The following VAC14 variants were observed in gnomAD, a reference collection of about 807,000 sequenced individuals.
VAC14 encodes protein VAC14 homolog.
VAC14 carries 47 observed loss-of-function variants against 85.3 expected under a neutral mutation model. That is an observed-to-expected ratio of 0.55 (90% CI 0.44 to 0.70). The LOEUF (loss-of-function observed/expected upper bound fraction) is 0.70, where lower values mean the gene tolerates loss of function less well. Among genes scored for constraint, VAC14 ranks in the 30% least tolerant of loss-of-function variants. The pLI, the probability that VAC14 is intolerant of heterozygous loss-of-function variation, is 0.00. For synonymous variants in VAC14, 447 were observed against 430.5 expected (o/e 1.04, Z -0.47); for missense variants, 861 against 1,004.3 (o/e 0.86, Z 1.93).
chr16:70,788,267 G>A (rs1164957099), intron 1 of VAC14, among the ~76,000 whole-genome samples: 1 of 152,206 alleles, frequency 6.6e-6, no homozygotes, highest in Non-Finnish European at 1.5e-5. Context: ...AAGAGGGACC[G>A]GGCAGTGGTT....
At chr16:70,722,990 T>C (rs1229827371) in intron 14 of VAC14, among the ~76,000 whole-genome samples, 1 of 151,932 alleles carries the variant, frequency 6.6e-6, no homozygotes, top group African/African-American at 2.4e-5. Context: ...CTGGGGTGGG[T>C]GGATCACCTG....
intron 10 of VAC14, among the ~76,000 whole-genome samples, chr16:70,764,512 C>T (rs1223399010): frequency 6.6e-6 from 1 of 152,194 alleles, no homozygotes; most frequent in Admixed American, 6.5e-5. Flanking sequence ...TAATCAGTTT[C>T]TCTCAAGTCC....
chr16:70,712,915 C>T (rs2054066395), intron 14 of VAC14, among the ~76,000 whole-genome samples: 1 of 152,154 alleles, frequency 6.6e-6, no homozygotes, highest in Non-Finnish European at 1.5e-5. Context: ...TGCTACCTCC[C>T]CAGGGCATGG....
intron 10 of VAC14, among the ~76,000 whole-genome samples, chr16:70,767,152 T>A (rs569611755): frequency 8.0e-4 from 122 of 152,370 alleles, no homozygotes; most frequent in Non-Finnish European, 1.3e-3. Context: ...GTCTTACACA[T>A]ACGCGTACTA....
At chr16:70,748,715 G>A (rs999310410) in intron 12 of VAC14, among the ~76,000 whole-genome samples, 2 of 152,164 alleles carry the variant, frequency 1.3e-5, no homozygotes, top group African/African-American at 2.4e-5. Context: ...GGGAGACCGA[G>A]GCAGGCAGAT....
At chr16:70,787,510 T>C (rs2034121259) in intron 1 of VAC14, among the ~76,000 whole-genome samples, 1 of 151,920 alleles carries the variant, frequency 6.6e-6, no homozygotes, top group Non-Finnish European at 1.5e-5. Context: ...GTGGAGGAGC[T>C]GAGGGAGGCC....
intron 13 of VAC14, among the ~76,000 whole-genome samples, chr16:70,737,376 A>T (rs3785422): frequency 6.6e-6 from 1 of 152,028 alleles, no homozygotes; most frequent in Admixed American, 6.5e-5. Flanking sequence ...CTGCTGCAGC[A>T]GGGGGCGAGG....
intron 7 of VAC14, 86 bp from the exon 8 acceptor site, chr16:70,782,089 T>C: frequency 6.6e-7 from 1 of 1,522,414 alleles, no homozygotes; most frequent in African/African-American, 1.4e-5. Context: ...GGGATGGGGC[T>C]GGCGGCCTGT....
chr16:70,764,547 A>G (rs574427896), intron 10 of VAC14, among the ~76,000 whole-genome samples: 1 of 152,356 alleles, frequency 6.6e-6, no homozygotes, highest in African/African-American at 2.4e-5. Flanking sequence ...ATACAACGCA[A>G]GTCACAGATA....
intron 15 of VAC14, among the ~76,000 whole-genome samples, chr16:70,697,726 T>C (rs983951423): frequency 2.0e-5 from 3 of 152,142 alleles, no homozygotes; most frequent in African/African-American, 7.2e-5. Context: ...CAGCCCACAC[T>C]TGGGGGAGCC....
intron 14 of VAC14, among the ~76,000 whole-genome samples, chr16:70,722,578 C>G (rs1337855685): frequency 3.3e-5 from 5 of 152,172 alleles, no homozygotes; most frequent in African/African-American, 1.2e-4. Context: ...GGGAAACACG[C>G]TGAAAGGACA....
chr16:70,700,073 A>T (rs1317346020), intron 14 of VAC14: 2 of 152,166 alleles, frequency 1.3e-5, no homozygotes, highest in African/African-American at 2.4e-5. Context: ...CGCTGGACTC[A>T]GCCTCCGCTC....
intron 10 of VAC14, among the ~76,000 whole-genome samples, chr16:70,766,095 T>C (rs1304896647): frequency 6.7e-6 from 1 of 148,794 alleles, no homozygotes; most frequent in Non-Finnish European, 1.5e-5. Context: ...TCACCTATGG[T>C]GAGCTATGAC....
chr16:70,696,954 C>G, intron 16 of VAC14, 185 bp downstream of exon 16: 1 of 556,926 alleles, frequency 1.8e-6, no homozygotes, highest in Non-Finnish European at 3.3e-6. Context: ...GCCAATCTCG[C>G]TCTCCCAAAT....
At chr16:70,727,774 T>C (rs892791782) in intron 14 of VAC14, among the ~76,000 whole-genome samples, 5 of 152,178 alleles carry the variant, frequency 3.3e-5, no homozygotes, top group African/African-American at 1.2e-4. Flanking sequence ...ATGGGGAGGA[T>C]GGAGGAAGCC....
intron 9 of VAC14, chr16:70,779,044 T>G (rs1011500617): frequency 6.6e-6 from 1 of 152,354 alleles, no homozygotes; most frequent in African/African-American, 2.4e-5. Context: ...GCTGCTGCAT[T>G]GGCCGGGAAT....
intron 13 of VAC14, among the ~76,000 whole-genome samples, chr16:70,737,141 T>C (rs2054782179): frequency 1.3e-5 from 2 of 152,068 alleles, no homozygotes; most frequent in African/African-American, 4.8e-5. Flanking sequence ...GCCCCTCAAG[T>C]ATGCTGATTT....
chr16:70,693,556 G>A (rs2053642852), intron 17 of VAC14, among the ~76,000 whole-genome samples: 1 of 152,184 alleles, frequency 6.6e-6, no homozygotes. Flanking sequence ...CGGCTCACAT[G>A]CCAGCCCTGC....
At chr16:70,728,949 A>G (rs768109775) in intron 14 of VAC14, among the ~76,000 whole-genome samples, 1 of 152,146 alleles carries the variant, frequency 6.6e-6, no homozygotes, top group African/African-American at 2.4e-5. Context: ...GCTAACCTCT[A>G]CCTCAATTCC....
Sources: gnomAD v4.1 joint callset for allele counts (sites outside exome capture counted in the v4.1 genomes callset) on GRCh38, gnomAD v4.1.1 for gene constraint, MANE v1.5 for transcripts, NCBI Gene and HGNC (gene_info 2026-07-23, HGNC 2026-07-21) for gene names.